The following CSMD1 variants were observed in gnomAD, a reference collection of about 807,000 sequenced individuals.
CSMD1 encodes CUB and Sushi multiple domains 1.
CSMD1 carries 213 observed loss-of-function variants against 417.5 expected under a neutral mutation model. The observed-to-expected ratio is 0.51, with a 90% confidence interval of 0.46 to 0.57. The LOEUF (loss-of-function observed/expected upper bound fraction) is 0.57. Among genes scored for constraint, CSMD1 ranks in the 20% least tolerant of loss-of-function variants. The pLI is 0.00. For missense variants in CSMD1, 6,923 were observed against 4,529.7 expected (o/e 1.53, Z -15.17); for synonymous variants, 2,862 against 1,736.8 (o/e 1.65, Z -16.11).
intron 1 of CSMD1, among the ~76,000 whole-genome samples, chr8:4,973,320 G>A (rs934698376): frequency 2.6e-5 from 4 of 152,108 alleles, no homozygotes; most frequent in African/African-American, 9.7e-5. Context: ...TGACTTATAG[G>A]CGAAGTCAAT....
chr8:4,706,313 G>C (rs1423403798), intron 1 of CSMD1, among the ~76,000 whole-genome samples: 1 of 151,836 alleles, frequency 6.6e-6, no homozygotes, highest in Non-Finnish European at 1.5e-5. Flanking sequence ...CATGAAATAA[G>C]AAATAAATAA....
chr8:3,832,191 T>A (rs1479684316), intron 5 of CSMD1, among the ~76,000 whole-genome samples: 1 of 152,084 alleles, frequency 6.6e-6, no homozygotes, highest in Non-Finnish European at 1.5e-5. Flanking sequence ...GGAGGCTGAG[T>A]CACGTGGGAT....
intron 50 of CSMD1, among the ~76,000 whole-genome samples, chr8:3,041,287 C>T (rs1811072363): frequency 6.6e-6 from 1 of 152,054 alleles, no homozygotes; most frequent in Non-Finnish European, 1.5e-5. Context: ...CCGTAAAATG[C>T]ATTTTTTCTT....
intron 26 of CSMD1, among the ~76,000 whole-genome samples, chr8:3,250,715 C>A (rs934093361): frequency 1.3e-5 from 2 of 152,208 alleles, no homozygotes; most frequent in African/African-American, 4.8e-5. Flanking sequence ...TCCTCTCCAG[C>A]ACCTGTTGTT....
chr8:4,605,491 G>A (rs776772802), intron 2 of CSMD1, among the ~76,000 whole-genome samples: 2 of 152,118 alleles, frequency 1.3e-5, no homozygotes, highest in Non-Finnish European at 2.9e-5. Flanking sequence ...ATGCCCGACT[G>A]CCAATTTACC....
At chr8:3,953,354 A>T (rs575685926) in intron 5 of CSMD1, among the ~76,000 whole-genome samples, 1 of 152,346 alleles carries the variant, frequency 6.6e-6, no homozygotes, top group East Asian at 1.9e-4. Flanking sequence ...TAAACATTAC[A>T]TGCCATATAA....
At chr8:4,622,820 G>C (rs184942619) in intron 2 of CSMD1, among the ~76,000 whole-genome samples, 4 of 152,254 alleles carry the variant, frequency 2.6e-5, no homozygotes, top group East Asian at 1.9e-4. Context: ...GGAAAGTTGA[G>C]CTGCCTCTCT....
intron 26 of CSMD1, among the ~76,000 whole-genome samples, chr8:3,256,616 G>T (rs969239902): frequency 6.6e-6 from 1 of 152,064 alleles, no homozygotes; most frequent in African/African-American, 2.4e-5. Flanking sequence ...TCTTACTTTT[G>T]ACTCTGAATC....
At chr8:4,506,601 T>C (rs929630803) in intron 2 of CSMD1, among the ~76,000 whole-genome samples, 4 of 152,122 alleles carry the variant, frequency 2.6e-5, no homozygotes, top group East Asian at 3.9e-4. Flanking sequence ...TTCTAAACAC[T>C]ACCCAAGACT....
intron 7 of CSMD1, among the ~76,000 whole-genome samples, chr8:3,690,445 C>G (rs781740073): frequency 6.6e-6 from 1 of 152,226 alleles, no homozygotes; most frequent in Non-Finnish European, 1.5e-5. Context: ...TGTGGGTAAA[C>G]TGTCACAGTA....
At chr8:4,061,162 G>A (rs1488268452) in intron 3 of CSMD1, among the ~76,000 whole-genome samples, 8 of 152,254 alleles carry the variant, frequency 5.3e-5, no homozygotes, top group South Asian at 2.1e-4. Flanking sequence ...TGCCCCTTAC[G>A]ATGGAAAATC....
intron 8 of CSMD1, among the ~76,000 whole-genome samples, chr8:3,614,269 G>C (rs1802030442): frequency 1.3e-5 from 2 of 151,994 alleles, no homozygotes; most frequent in African/African-American, 4.8e-5. Flanking sequence ...TCTCTTCTGA[G>C]ATAAGATTCT....
chr8:3,475,527 C>T (rs902927628), intron 11 of CSMD1, among the ~76,000 whole-genome samples: 5 of 152,166 alleles, frequency 3.3e-5, no homozygotes, highest in Non-Finnish European at 4.4e-5. Context: ...CATTAATTCA[C>T]GTGTGATTTT....
chr8:2,956,904 T>C (rs1027948925), intron 63 of CSMD1, among the ~76,000 whole-genome samples: 4 of 152,170 alleles, frequency 2.6e-5, no homozygotes, highest in African/African-American at 9.7e-5. Flanking sequence ...TACATATATA[T>C]GTACATGTAC....
At chr8:3,449,258 A>T (rs538167455) in intron 12 of CSMD1, among the ~76,000 whole-genome samples, 1 of 152,198 alleles carries the variant, frequency 6.6e-6, no homozygotes, top group East Asian at 1.9e-4. Flanking sequence ...AAACAGGCTT[A>T]TTCTGAAAAA....
chr8:4,845,931 G>C (rs1444626009), intron 1 of CSMD1, among the ~76,000 whole-genome samples: 1 of 152,182 alleles, frequency 6.6e-6, no homozygotes, highest in South Asian at 2.1e-4. Flanking sequence ...TATGAACTTT[G>C]CCTATTTTGC....
At chr8:4,309,464 A>G (rs1798439209) in intron 3 of CSMD1, among the ~76,000 whole-genome samples, 3 of 142,450 alleles carry the variant, frequency 2.1e-5, no homozygotes, top group African/African-American at 9.1e-5. Flanking sequence ...AAAGACGAGA[A>G]AAAATAAATA....
Position 3,713,120 on chromosome 8 carries a change from A to T in CSMD1, c.932-4629T>A. ...ATAACAACATTTAGGAAGATAAATT[A>T]TGGGGGAAATATTTTTAGTTTAAGG... On this transcript the variant is annotated intron_variant, in intron 6 of 69. Transcript: ENST00000635120. Among the ~76,000 whole-genome samples, 2 of 152,212 alleles carry T rather than the reference A, an allele frequency of 1.3e-5. 1 individual carries two copies. The highest frequency in any genetic ancestry group is 2.9e-5 in the Non-Finnish European group (2 of 68,038).
intron 7 of CSMD1, among the ~76,000 whole-genome samples, chr8:3,654,962 C>A (rs1798031536): frequency 6.6e-6 from 1 of 152,182 alleles, no homozygotes; most frequent in African/African-American, 2.4e-5. Flanking sequence ...GAGCCTGATG[C>A]ATCTCAAACT....
Sources: allele counts gnomAD v4.1 joint callset (sites outside exome capture counted in the v4.1 genomes callset), GRCh38; gene constraint gnomAD v4.1.1; transcripts MANE v1.5; gene names NCBI Gene and HGNC (gene_info 2026-07-23, HGNC 2026-07-21).